The following ADGRB3 variants were observed in gnomAD, a reference collection of about 807,000 sequenced individuals.
ADGRB3 encodes the protein brain-specific angiogenesis inhibitor 3.
ADGRB3 carries 37 observed loss-of-function variants against 193.4 expected under a neutral mutation model. That is an observed-to-expected ratio of 0.19 (90% CI 0.15 to 0.25). The LOEUF (loss-of-function observed/expected upper bound fraction) is 0.25. Among genes scored for constraint, ADGRB3 ranks in the 10% least tolerant of loss-of-function variants. The pLI, the probability that ADGRB3 is intolerant of heterozygous loss-of-function variation, is 1.00. For missense variants in ADGRB3, 1,637 were observed against 1,852.9 expected (o/e 0.88, Z 2.14); for synonymous variants, 690 against 644.2 (o/e 1.07, Z -1.08).
chr6:69,085,185 A>C (rs560080740), intron 17 of ADGRB3, among the ~76,000 whole-genome samples: 2 of 152,186 alleles, frequency 1.3e-5, no homozygotes, highest in East Asian at 3.9e-4. Context: ...ACTTTGCCTC[A>C]TCCATTTCTC....
chr6:68,794,628 G>A (rs754478365), intron 3 of ADGRB3, among the ~76,000 whole-genome samples: 62 of 152,038 alleles, frequency 4.1e-4, no homozygotes, highest in Non-Finnish European at 7.5e-4. Context: ...CCCAAGATAT[G>A]ACAATTACCA....
At chr6:68,847,910 A>G (rs982763219) in intron 3 of ADGRB3, among the ~76,000 whole-genome samples, 1 of 151,392 alleles carries the variant, frequency 6.6e-6, no homozygotes, top group Non-Finnish European at 1.5e-5. Context: ...AAAGGAAAGG[A>G]AGGAAAAAAA....
At chr6:69,337,885 T>G (rs1448137860) in intron 24 of ADGRB3, among the ~76,000 whole-genome samples, 1 of 152,206 alleles carries the variant, frequency 6.6e-6, no homozygotes, top group Non-Finnish European at 1.5e-5. Flanking sequence ...GCAACTCCGC[T>G]ATAAGATTCT....
At chr6:68,856,475 T>A (rs1764989355) in intron 3 of ADGRB3, among the ~76,000 whole-genome samples, 1 of 152,162 alleles carries the variant, frequency 6.6e-6, no homozygotes, top group South Asian at 2.1e-4. Flanking sequence ...TGCAGAACTT[T>A]TTGGGAACTG....
At chr6:69,367,097 A>G (rs1330568144) in intron 29 of ADGRB3, among the ~76,000 whole-genome samples, 1 of 152,138 alleles carries the variant, frequency 6.6e-6, no homozygotes, top group African/African-American at 2.4e-5. Context: ...AATAAAATTG[A>G]GAAGTAATGT....
At chr6:69,009,176 T>TC (rs562126309) in intron 11 of ADGRB3, among the ~76,000 whole-genome samples, 44 of 152,158 alleles carry the variant, frequency 2.9e-4, no homozygotes, top group African/African-American at 1.0e-3. Flanking sequence ...ATAACTTGAT[T>TC]ATAAACTAGT....
intron 3 of ADGRB3, among the ~76,000 whole-genome samples, chr6:68,891,601 G>T (rs1246343817): frequency 6.6e-6 from 1 of 152,132 alleles, no homozygotes; most frequent in Non-Finnish European, 1.5e-5. Context: ...ACTTCAAGCT[G>T]GTGACTAAGA....
intron 17 of ADGRB3, among the ~76,000 whole-genome samples, chr6:69,203,807 T>C (rs947656633): frequency 6.6e-6 from 1 of 152,178 alleles, no homozygotes; most frequent in African/African-American, 2.4e-5. Flanking sequence ...CATGGTTTAA[T>C]TGATTTCAAT....
At chr6:68,947,399 TGA>T (rs1374969180) in intron 6 of ADGRB3, among the ~76,000 whole-genome samples, 1 of 152,124 alleles carries the variant, frequency 6.6e-6, no homozygotes, top group African/African-American at 2.4e-5. Context: ...TTTACATATT[TGA>T]GGATAAATAA....
intron 15 of ADGRB3, among the ~76,000 whole-genome samples, chr6:69,050,207 A>G (rs552134818): frequency 1.3e-5 from 2 of 152,218 alleles, no homozygotes; most frequent in South Asian, 4.1e-4. Flanking sequence ...AATAAAAACA[A>G]TTAGAGTTCA....
chr6:68,843,233 A>C (rs2127388119), intron 3 of ADGRB3, among the ~76,000 whole-genome samples: 1 of 152,146 alleles, frequency 6.6e-6, no homozygotes, highest in South Asian at 2.1e-4. Flanking sequence ...GAAGGAGTCA[A>C]GTTATCCTTG....
At chr6:68,827,031 GATTTT>G (rs1026058062) in intron 3 of ADGRB3, among the ~76,000 whole-genome samples, 4 of 152,116 alleles carry the variant, frequency 2.6e-5, no homozygotes, top group Non-Finnish European at 4.4e-5. Context: ...TAAGCGTATT[GATTTT>G]ATTTTAAGAG....
At chr6:68,830,380 A>G (rs1157919152) in intron 3 of ADGRB3, among the ~76,000 whole-genome samples, 1 of 152,176 alleles carries the variant, frequency 6.6e-6, no homozygotes, top group East Asian at 1.9e-4. Context: ...AGATCTCTCA[A>G]TTCCAACAAA....
At chr6:68,796,654 A>C (rs1017436103) in intron 3 of ADGRB3, among the ~76,000 whole-genome samples, 1 of 152,212 alleles carries the variant, frequency 6.6e-6, no homozygotes, top group African/African-American at 2.4e-5. Flanking sequence ...TTATGACCCA[A>C]GTTCCGAAAT....
At chr6:68,746,967 A>G (rs1766097597) in intron 3 of ADGRB3, among the ~76,000 whole-genome samples, 1 of 152,136 alleles carries the variant, frequency 6.6e-6, no homozygotes, top group Non-Finnish European at 1.5e-5. Flanking sequence ...GCTCACAGTC[A>G]TCTTACAGCT....
intron 17 of ADGRB3, among the ~76,000 whole-genome samples, chr6:69,188,712 T>C (rs180976346): frequency 2.6e-5 from 4 of 152,202 alleles, no homozygotes; most frequent in South Asian, 2.1e-4. Flanking sequence ...ATGAAAAACA[T>C]TGAACTCATT....
chr6:68,844,151 C>T (rs939070027), intron 3 of ADGRB3, among the ~76,000 whole-genome samples: 1 of 151,638 alleles, frequency 6.6e-6, no homozygotes, highest in East Asian at 1.9e-4. Context: ...TAGAGGCAAC[C>T]AAAGCAAAAA....
chr6:69,035,916 T>C (rs2150295785), intron 13 of ADGRB3, among the ~76,000 whole-genome samples: 1 of 152,232 alleles, frequency 6.6e-6, no homozygotes, highest in South Asian at 2.1e-4. Flanking sequence ...ATGGGAAAGA[T>C]TACACAGGGA....
At chr6:68,754,373 A>G (rs977120556) in intron 3 of ADGRB3, among the ~76,000 whole-genome samples, 4 of 152,154 alleles carry the variant, frequency 2.6e-5, no homozygotes, top group Non-Finnish European at 4.4e-5. Flanking sequence ...CACCAAGTGT[A>G]ACTGAAAATC....
Sources: gnomAD v4.1 joint callset for allele counts (sites outside exome capture counted in the v4.1 genomes callset) on GRCh38, gnomAD v4.1.1 for gene constraint, MANE v1.5 for transcripts, NCBI Gene and HGNC (gene_info 2026-07-23, HGNC 2026-07-21) for gene names.